Variants in TIMP2 observed in about 807,000 individuals in gnomAD.
TIMP2 encodes the protein TIMP metallopeptidase inhibitor 2.
In TIMP2, 5 loss-of-function variants were observed where a neutral mutation model predicts 24.3. The observed-to-expected ratio is 0.21, with a 90% CI of 0.11 to 0.43. The LOEUF (loss-of-function observed/expected upper bound fraction) is 0.43. Ranked by LOEUF, TIMP2 falls within the 20% of genes least tolerant of loss-of-function variation. The probability of loss-of-function intolerance (pLI) is 1.00; values close to 1 mark genes in which losing one functional copy is unlikely to be tolerated. For missense variants in TIMP2, 221 were observed against 297.5 expected, an observed-to-expected ratio of 0.74 and a Z score of 1.89; for synonymous variants, 130 against 123.2, an observed-to-expected ratio of 1.06 and a Z score of -0.37.
At chr17:78,909,691 G>T (rs893205565) in intron 1 of TIMP2, among the ~76,000 whole-genome samples, 2 of 152,130 alleles carry the variant, frequency 1.3e-5, no homozygotes, top group Admixed American at 1.3e-4. Flanking sequence ...TAAGGCTCGG[G>T]TCTCATCGGG....
At chr17:78,881,381 C>A (rs1284329298) in intron 1 of TIMP2, among the ~76,000 whole-genome samples, 1 of 152,236 alleles carries the variant, frequency 6.6e-6, no homozygotes, top group Non-Finnish European at 1.5e-5. Context: ...GGGCTTCACA[C>A]ATGTGCCAAA....
At chr17:78,918,065 A>ACACACATGCGC (rs1555652947) in intron 1 of TIMP2, among the ~76,000 whole-genome samples, 2 of 144,812 alleles carry the variant, frequency 1.4e-5, no homozygotes, top group Non-Finnish European at 3.0e-5. Context: ...TGCACACACA[A>ACACACATGCGC]ACACACACAC....
chr17:78,875,556 G>T (rs7218237), intron 1 of TIMP2, among the ~76,000 whole-genome samples: 13,483 of 152,132 alleles, frequency 0.089, 766 homozygotes, highest in Non-Finnish European at 0.12. Context: ...TAATTTCAAG[G>T]CCATTAGTTG....
intron 1 of TIMP2, among the ~76,000 whole-genome samples, chr17:78,905,376 A>G (rs2070149406): frequency 6.6e-6 from 1 of 152,156 alleles, no homozygotes. Flanking sequence ...CATAAATCCC[A>G]TCTTACGCAG....
At chr17:78,899,810 C>T (rs77151699) in intron 1 of TIMP2, 11,186 of 152,320 alleles carry the variant, frequency 0.073, 469 homozygotes, top group Middle Eastern at 0.12. Flanking sequence ...CCAGGATGCC[C>T]CAACCCTCCA....
At chr17:78,882,135 T>C (rs1350258472) in intron 1 of TIMP2, among the ~76,000 whole-genome samples, 2 of 152,110 alleles carry the variant, frequency 1.3e-5, no homozygotes, top group East Asian at 1.9e-4. Flanking sequence ...CGGCTGATTT[T>C]TATTTTGTGT....
chr17:78,895,138 G>T (rs542430847), intron 1 of TIMP2, among the ~76,000 whole-genome samples: 2 of 152,034 alleles, frequency 1.3e-5, no homozygotes, highest in African/African-American at 4.8e-5. Context: ...AAAATTAGCC[G>T]GGTGTGGTGG....
At chr17:78,873,306 T>A (rs117023899) in intron 2 of TIMP2, among the ~76,000 whole-genome samples, 87,748 of 131,170 alleles carry the variant, frequency 0.67, 27,453 homozygotes, top group Admixed American at 0.74. Flanking sequence ...GCCACATATT[T>A]TTTTTTTTTT....
intron 3 of TIMP2, among the ~76,000 whole-genome samples, chr17:78,863,725 A>G (rs2069585801): frequency 6.6e-6 from 1 of 152,044 alleles, no homozygotes; most frequent in African/African-American, 2.4e-5. Flanking sequence ...CCAGCTTTTC[A>G]TGCAGTGCTG....
At position 78,854,917 on chromosome 17, in the gene TIMP2, T is replaced by C. The variant is rs1250800930; in HGVS notation, c.*750A>G. On this transcript the variant is annotated 3_prime_UTR_variant, in exon 5 of 5. Coordinates refer to ENST00000262768, the MANE Select transcript of TIMP2 (RefSeq NM_003255.5). ...TTCCTCCTGCAAGCTGGGGAGCATG[T>C]GGGCGGGGGGGGGGGGGTGGGGGGG... 2 of 484 alleles carry C rather than the reference T, an allele frequency of 4.1e-3. No individual in the cohort carries two copies. Among genetic ancestry groups the C allele is most frequent in the African/African-American group, 0.014 (2 of 138 alleles). The allele number at this position is 484 out of a possible 1,614,324, so 0.0% of individuals were successfully genotyped here.
At chr17:78,913,891 C>CT (rs1555652600) in intron 1 of TIMP2, among the ~76,000 whole-genome samples, 1 of 93,678 alleles carries the variant, frequency 1.1e-5, no homozygotes, top group East Asian at 3.4e-4. Flanking sequence ...AACTCTGTCT[C>CT]GGGGAAAAAA....
At position 78,891,004 on chromosome 17, in the gene TIMP2, T is replaced by G; in HGVS notation, c.131-17085A>C. ...TCTCTGCTTTCTGCCTTTGCCTGGA[T>G]GCCGTCGAGCCCACTCTGTCTGCCT... On this transcript the variant is annotated intron_variant, in intron 1 of 4. Transcript: ENST00000262768. This position sits in a 1 kb window ranked among gnomAD's most constrained non-coding sequence, Gnocchi z 4.5. 1 of 1,551,246 alleles carries G rather than the reference T, an allele frequency of 6.4e-7. No homozygotes were observed. The highest frequency in any genetic ancestry group is 8.7e-7 in the Non-Finnish European group (1 of 1,147,140).
At chr17:78,874,394 C>G (rs1006733975) in intron 1 of TIMP2, among the ~76,000 whole-genome samples, 1 of 152,104 alleles carries the variant, frequency 6.6e-6, no homozygotes. Context: ...TGGGACATTT[C>G]CCCACCCTCC....
intron 1 of TIMP2, among the ~76,000 whole-genome samples, chr17:78,911,398 T>C (rs576211927): frequency 6.6e-6 from 1 of 152,120 alleles, no homozygotes; most frequent in Admixed American, 6.5e-5. Context: ...TAACTAACTA[T>C]TGAGCCCCTC....
chr17:78,893,175 ATG>A (rs1174765735), intron 1 of TIMP2, among the ~76,000 whole-genome samples: 3 of 101,852 alleles, frequency 2.9e-5, no homozygotes, highest in South Asian at 3.5e-4. Context: ...GTGTGCATAC[ATG>A]TGTGTGCAGG....
intron 3 of TIMP2, among the ~76,000 whole-genome samples, chr17:78,862,983 C>T (rs569743669): frequency 4.0e-4 from 61 of 152,334 alleles, no homozygotes; most frequent in Middle Eastern, 6.8e-3. Context: ...TGGGTTGATT[C>T]TGTGTCTTTG....
chr17:78,867,003 G>A (rs774157870), intron 3 of TIMP2, among the ~76,000 whole-genome samples: 1 of 152,230 alleles, frequency 6.6e-6, no homozygotes, highest in African/African-American at 2.4e-5. Flanking sequence ...GCTCACGCCT[G>A]TAATCCCAGC....
chr17:78,885,866 G>C (rs549124569), intron 1 of TIMP2, among the ~76,000 whole-genome samples: 1 of 152,346 alleles, frequency 6.6e-6, no homozygotes, highest in East Asian at 1.9e-4. Context: ...GGGTGAGCCA[G>C]GGGAAGCTGG....
chr17:78,876,142 A>G (rs894050398), intron 1 of TIMP2, among the ~76,000 whole-genome samples: 7 of 151,818 alleles, frequency 4.6e-5, no homozygotes, highest in Non-Finnish European at 1.0e-4. Context: ...GTCTTTTTTT[A>G]TTCACGTTCG....
Sources: gnomAD v4.1 joint callset for allele counts (sites outside exome capture counted in the v4.1 genomes callset) on GRCh38, gnomAD v4.1.1 for gene constraint, Gnocchi (gnomAD v3.1) non-coding constraint, MANE v1.5 for transcripts, NCBI Gene and HGNC (gene_info 2026-07-23, HGNC 2026-07-21) for gene names.